SLC5A11: variants seen among roughly 807,000 people sequenced by gnomAD.
SLC5A11 encodes the protein sodium/myo-inositol cotransporter 2.
In SLC5A11, 48 loss-of-function variants were observed where a neutral mutation model predicts 69.8. The observed-to-expected ratio is 0.69, with a 90% CI of 0.55 to 0.87. The LOEUF is 0.87. Ranked by LOEUF, SLC5A11 falls within the 40% of genes least tolerant of loss-of-function variation. SLC5A11 has a pLI of 0.00. For missense variants in SLC5A11, 784 were observed against 866.1 expected (o/e 0.91, Z 1.19); for synonymous variants, 319 against 342.4 (o/e 0.93, Z 0.75).
At chr16:24,911,494 C>T (rs141077892) in exon 16 of SLC5A11, 51 of 1,613,986 alleles carry the variant, frequency 3.2e-5, no homozygotes, top group Middle Eastern at 1.6e-4. Flanking sequence ...TCATTTTCTG[C>T]GTGAGCTGCG....
At position 24,870,805 on chromosome 16, in the gene SLC5A11, G is replaced by A. The variant is rs532902043; in HGVS notation, c.312+800G>A. ...ACAAAAAAAAAAAAAAAAAAAAAAAGGGTGTGTGAAGAAGAGGGCTCAGAT... is the reference window on the plus strand; with the variant it reads ...ACAAAAAAAAAAAAAAAAAAAAAAAAGGTGTGTGAAGAAGAGGGCTCAGAT... On this transcript the variant is annotated intron_variant, in intron 4 of 15. Transcript: ENST00000347898. Among the ~76,000 whole-genome samples the A allele has an allele frequency of 2.6e-3, 314 of 120,698 alleles. 1 individual carries two copies. The highest frequency in any genetic ancestry group is 8.8e-3 in the African/African-American group (288 of 32,716). 79.2% of individuals were successfully genotyped at this position (120,698 alleles called of 152,430 possible). A position where few individuals can be genotyped will look rare whatever the true frequency, so the allele number is the denominator to read the frequency against.
At chr16:24,872,089 G>T in intron 4 of SLC5A11, 71 bp from the exon 6 acceptor site, 1 of 1,571,692 alleles carries the variant, frequency 6.4e-7, no homozygotes, top group South Asian at 1.1e-5. Flanking sequence ...GCCTCAGGGC[G>T]CAGAGGGAAA....
exon 2 of SLC5A11, chr16:24,858,676 A>T: frequency 6.2e-7 from 1 of 1,611,128 alleles, no homozygotes; most frequent in Non-Finnish European, 8.5e-7. Context: ...CTCAGCCTCC[A>T]CAGTTAGATC....
At chr16:24,860,694 C>A (rs193264219) in intron 2 of SLC5A11, among the ~76,000 whole-genome samples, 36 of 152,026 alleles carry the variant, frequency 2.4e-4, no homozygotes, top group Admixed American at 9.8e-4. Flanking sequence ...AATAATATCT[C>A]AAAGTTTTTT....
intron 7 of SLC5A11, 74 bp from the exon 9 acceptor site, chr16:24,883,977 G>A: frequency 7.1e-7 from 1 of 1,409,016 alleles, no homozygotes; most frequent in Non-Finnish European, 9.9e-7. Flanking sequence ...TGGCCTTCCA[G>A]GTTCCCTTGG....
intron 14 of SLC5A11, 96 bp downstream of exon 15, chr16:24,909,192 C>CA: frequency 7.5e-7 from 1 of 1,324,966 alleles, no homozygotes; most frequent in Non-Finnish European, 1.1e-6. Context: ...ACTGATTGTC[C>CA]AAAAAGCTGA....
At chr16:24,900,014 T>A (rs1003593143) in intron 10 of SLC5A11, among the ~76,000 whole-genome samples, 1 of 152,122 alleles carries the variant, frequency 6.6e-6, no homozygotes, top group African/African-American at 2.4e-5. Context: ...GGTGTACTTT[T>A]CTTAACAAAT....
At chr16:24,865,526 C>T (rs1483499480) in intron 3 of SLC5A11, among the ~76,000 whole-genome samples, 2 of 152,114 alleles carry the variant, frequency 1.3e-5, no homozygotes, top group African/African-American at 4.8e-5. Context: ...CACTGCACTC[C>T]AGCCTGGGTG....
chr16:24,908,858 A>G, intron 13 of SLC5A11, 23 bp from the exon 15 acceptor site: 2 of 1,608,776 alleles, frequency 1.2e-6, no homozygotes, highest in Non-Finnish European at 1.7e-6. Flanking sequence ...CGTCTCTAAG[A>G]TGATCTTGCT....
At chr16:24,863,087 A>G (rs913166661) in intron 3 of SLC5A11, among the ~76,000 whole-genome samples, 30 of 142,768 alleles carry the variant, frequency 2.1e-4, no homozygotes, top group Non-Finnish European at 3.7e-4. Context: ...TATATTATAT[A>G]TAATAGATAT....
intron 9 of SLC5A11, among the ~76,000 whole-genome samples, chr16:24,892,178 G>A (rs538075063): frequency 6.6e-6 from 1 of 152,106 alleles, no homozygotes; most frequent in East Asian, 1.9e-4. Flanking sequence ...AGTGAGTTGA[G>A]ATTGCACCAC....
At chr16:24,870,460 CACACAA>C (rs1276881074) in intron 4 of SLC5A11, among the ~76,000 whole-genome samples, 1 of 150,486 alleles carries the variant, frequency 6.6e-6, no homozygotes, top group East Asian at 2.0e-4. Context: ...CACACACACA[CACACAA>C]ACCCAAAAAA....
intron 9 of SLC5A11, among the ~76,000 whole-genome samples, chr16:24,895,656 C>A (rs1312876944): frequency 6.6e-6 from 1 of 151,792 alleles, no homozygotes; most frequent in African/African-American, 2.4e-5. Context: ...AGCTTGTGAC[C>A]GGAGCTTTTT....
At chr16:24,886,513 G>GA (rs1382564234) in intron 8 of SLC5A11, among the ~76,000 whole-genome samples, 1 of 148,214 alleles carries the variant, frequency 6.7e-6, no homozygotes, top group African/African-American at 2.4e-5. Context: ...AAAAAGGTCA[G>GA]AAAAAAATGG....
chr16:24,903,116 G>T (rs561101374), intron 10 of SLC5A11, among the ~76,000 whole-genome samples: 3 of 151,792 alleles, frequency 2.0e-5, no homozygotes, highest in Non-Finnish European at 4.4e-5. Context: ...TGGCTCCTGG[G>T]AACTTGTTAG....
chr16:24,906,601 G>A, intron 10 of SLC5A11, 56 bp from the exon 12 acceptor site: 1 of 1,182,988 alleles, frequency 8.5e-7, no homozygotes, highest in Non-Finnish European at 1.2e-6. Flanking sequence ...ATGTTGCCTG[G>A]GCCTGGGGCT....
chr16:24,849,882 TA>T (rs768518879), intron 1 of SLC5A11, among the ~76,000 whole-genome samples: 14 of 151,808 alleles, frequency 9.2e-5, no homozygotes, highest in Non-Finnish European at 1.9e-4. Context: ...GCTAACGGAC[TA>T]GGGGTGATCC....
chr16:24,870,070 A>T (rs1427980596), intron 4 of SLC5A11, 65 bp downstream of exon 5: 1 of 1,158,734 alleles, frequency 8.6e-7, no homozygotes, highest in African/African-American at 1.5e-5. Flanking sequence ...TCTCAGGGGA[A>T]AGTTGTGTGA....
intron 5 of SLC5A11, among the ~76,000 whole-genome samples, chr16:24,874,320 G>C (rs2047527109): frequency 6.6e-6 from 1 of 152,206 alleles, no homozygotes; most frequent in African/African-American, 2.4e-5. Flanking sequence ...TCTACACATA[G>C]ACAAGCATTG....
Sources: gnomAD v4.1 joint callset for allele counts (sites outside exome capture counted in the v4.1 genomes callset) on GRCh38, gnomAD v4.1.1 for gene constraint, MANE v1.5 for transcripts, NCBI Gene and HGNC (gene_info 2026-07-23, HGNC 2026-07-21) for gene names.